REXO5: variants seen among roughly 807,000 people sequenced by gnomAD.
REXO5 encodes RNA exonuclease 5, also known as exonuclease NEF-sp.
A neutral mutation model predicts 88.5 loss-of-function variants in REXO5; 48 were observed. That is an observed-to-expected ratio of 0.54 (90% CI 0.43 to 0.69). The LOEUF is 0.69. REXO5 is among the 30% of genes least tolerant of loss of function. REXO5 has a pLI of 0.00. For synonymous variants in REXO5, 311 were observed against 336.5 expected (o/e 0.92, Z 0.83); for missense variants, 749 against 912.2 (o/e 0.82, Z 2.30).
intron 7 of REXO5, among the ~76,000 whole-genome samples, chr16:20,825,353 T>C (rs1450735397): frequency 6.6e-6 from 1 of 152,238 alleles, no homozygotes; most frequent in Non-Finnish European, 1.5e-5. Context: ...TGTCCTTGCC[T>C]GTTAGTGGCT....
chr16:20,848,396 T>C (rs2081643235), intron 19 of REXO5, among the ~76,000 whole-genome samples: 1 of 152,214 alleles, frequency 6.6e-6, no homozygotes, highest in Admixed American at 6.5e-5. Flanking sequence ...TGCTTCTATA[T>C]GCATTTTTGG....
rs553258890 is a variant in REXO5 at position 20,844,494 on chromosome 16, CAGAAA to C, written c.1720-124_1720-120del. On this transcript the variant is annotated intron_variant, in intron 16 of 19. Coordinates refer to ENST00000261377, the MANE Select transcript of REXO5 (RefSeq NM_030941.3). Reference sequence around the variant, plus strand: ...GGCCATTATCTTTAGTTTCCTTTTACAGAAAAGAAAAGAAACGGAAAATTTTAGGA... The same window carrying C: ...GGCCATTATCTTTAGTTTCCTTTTACAGAAAAGAAACGGAAAATTTTAGGA... The C allele has an allele frequency of 4.5e-3, 3,009 of 668,834 alleles. 27 individuals carry two copies. Among genetic ancestry groups the C allele is most frequent in the Non-Finnish European group, 4.9e-3 (1,947 of 396,138 alleles). The allele number at this position is 668,834 out of a possible 1,614,324, so 41.4% of individuals were successfully genotyped here.
intron 2 of REXO5, among the ~76,000 whole-genome samples, chr16:20,808,451 TTCA>T (rs2080944733): frequency 6.6e-6 from 1 of 151,580 alleles, no homozygotes; most frequent in Non-Finnish European, 1.5e-5. Flanking sequence ...CACCCAGCTA[TTCA>T]TTGGTTTTTA....
At chr16:20,821,706 T>G in intron 5 of REXO5, 56 bp from the exon 6 acceptor site, 1 of 1,484,268 alleles carries the variant, frequency 6.7e-7, no homozygotes, top group Non-Finnish European at 9.0e-7. Flanking sequence ...AGGAGACATT[T>G]CTTCTAGGGT....
intron 8 of REXO5, among the ~76,000 whole-genome samples, chr16:20,826,224 A>G (rs1434032016): frequency 6.6e-6 from 1 of 152,166 alleles, no homozygotes; most frequent in Non-Finnish European, 1.5e-5. Context: ...ATTATCTACA[A>G]CTGCCAAACA....
chr16:20,824,987 G>A lies in REXO5; in HGVS notation c.705+460G>A, dbSNP rs1040118625. Among the ~76,000 whole-genome samples, 5 of 151,758 alleles carry A rather than the reference G, an allele frequency of 3.3e-5. No individual in the cohort carries two copies. The South Asian group carries it at 8.3e-4, about 25-fold the overall frequency. ...TAGCGCCACTGCACTCCAGCCTGGC[G>A]ACAGAGTGAGACTCGATCTCAAAAA... On this transcript the variant is annotated intron_variant, in intron 7 of 19. Coordinates refer to ENST00000261377, the MANE Select transcript of REXO5 (RefSeq NM_030941.3).
chr16:20,824,780 C>T (rs1019780766), intron 7 of REXO5, among the ~76,000 whole-genome samples: 4 of 151,978 alleles, frequency 2.6e-5, no homozygotes, highest in African/African-American at 7.3e-5. Flanking sequence ...GAGGCTGAGG[C>T]GGGTGGATCA....
chr16:20,806,922 T>G (rs2080889388), intron 1 of REXO5, 30 bp from the exon 2 acceptor site: 3 of 1,558,106 alleles, frequency 1.9e-6, no homozygotes, highest in South Asian at 2.4e-5. Context: ...CGCTGGAGTT[T>G]CCCCAGCTCT....
intron 2 of REXO5, among the ~76,000 whole-genome samples, chr16:20,808,200 G>T (rs1228623312): frequency 6.6e-6 from 1 of 152,104 alleles, no homozygotes; most frequent in African/African-American, 2.4e-5. Context: ...ACACGAAACC[G>T]GTCCCTGGTG....
In REXO5 at chr16:20,814,983, AG is replaced by A; in HGVS notation, c.311del (p.Gly104GlufsTer2). ...AACAACGTAGTGGTTTTTGTTCTGC[AG>A]GGAATGAGTCAGCTACACTTTTACA... ...HLNNVVVFVL[Q>X]GMSQLHFYRF... is the part of the protein sequence containing the mutation. On this transcript the variant is annotated frameshift_variant, in exon 4 of 20. Transcript: ENST00000261377. LOFTEE classifies it high-confidence loss of function. 6.2e-7 allele frequency: 1 copy of A among 1,613,896 alleles called. No individual in the cohort carries two copies.
intron 11 of REXO5, among the ~76,000 whole-genome samples, chr16:20,830,804 C>T (rs2081329971): frequency 6.6e-6 from 1 of 152,012 alleles, no homozygotes; most frequent in African/African-American, 2.4e-5. Context: ...TCTTCCTGTA[C>T]CCTTTTGAAA....
rs985893583 is a variant in REXO5, at chr16:20,806,926, C to T, written c.-2-26C>T. On this transcript the variant is annotated intron_variant, in intron 1 of 19. Coordinates refer to ENST00000261377, the MANE Select transcript of REXO5 (RefSeq NM_030941.3). ...GGGAATAGGGGCGCTGGAGTTTCCC[C>T]AGCTCTACCTCATCTTTCTCCACAG... The T allele has an allele frequency of 5.8e-6, 9 of 1,561,996 alleles. No homozygotes were observed. The East Asian group carries it at 1.7e-4, about 29-fold the overall frequency.
chr16:20,816,221 A>G lies in REXO5; in HGVS notation c.475+9A>G, dbSNP rs1309009933. The G allele has an allele frequency of 1.0e-5, 16 of 1,601,194 alleles. No homozygotes were observed. The East Asian group carries it at 1.3e-4, about 13-fold the overall frequency. ...GCCCAAGACAATGGAAGGTATAGCTATGATGCTGGTTTGATGCTTTGCTCA... is the reference window on the plus strand; with the variant it reads ...GCCCAAGACAATGGAAGGTATAGCTGTGATGCTGGTTTGATGCTTTGCTCA... On this transcript the variant is annotated intron_variant, in intron 5 of 19. Transcript: ENST00000261377.
intron 6 of REXO5, among the ~76,000 whole-genome samples, chr16:20,822,244 A>G (rs1355789170): frequency 1.3e-5 from 2 of 152,130 alleles, no homozygotes; most frequent in Non-Finnish European, 2.9e-5. Context: ...ACATTTTAAC[A>G]CTTTTCCAGT....
chr16:20,814,269 C>G (rs1482029490), intron 3 of REXO5, among the ~76,000 whole-genome samples: 1 of 152,116 alleles, frequency 6.6e-6, no homozygotes, highest in Non-Finnish European at 1.5e-5. Flanking sequence ...TGGAGCCTCG[C>G]TCTGTCACCT....
At chr16:20,847,097 T>G (rs1029172320) in intron 19 of REXO5, among the ~76,000 whole-genome samples, 1 of 152,028 alleles carries the variant, frequency 6.6e-6, no homozygotes, top group Non-Finnish European at 1.5e-5. Context: ...GTTGTGTTAA[T>G]TTTTAAAAGT....
chr16:20,813,287 A>G lies in REXO5; in HGVS notation c.236A>G (p.Asn79Ser), dbSNP rs367590763. 18 of 1,609,998 alleles carry G rather than the reference A, an allele frequency of 1.1e-5. No individual in the cohort carries two copies. The highest frequency in any genetic ancestry group is 3.3e-5 in the South Asian group (3 of 91,010). ...LLKYAVLGKS[N>S]VPKPSWCQLF... ...AAGTATGCAGTTCTGGGCAAATCCA[A>G]TGTTCCAAAACCCAGGTATGAGATG... is the stretch of plus-strand genomic sequence containing the variant. The change falls in exon 3 of 20, where the codon AAT (asparagine) becomes AGT (serine). Residue 79 changes from asparagine to serine, a missense_variant. Physicochemically the swap from Asn to Ser is conservative, Grantham distance 46. Coordinates refer to ENST00000261377, the MANE Select transcript of REXO5 (RefSeq NM_030941.3).
intron 2 of REXO5, among the ~76,000 whole-genome samples, chr16:20,809,995 C>G (rs2080972023): frequency 6.6e-6 from 1 of 152,166 alleles, no homozygotes; most frequent in Non-Finnish European, 1.5e-5. Flanking sequence ...TTTAAATATC[C>G]AAGATTTTGT....
chr16:20,813,047 C>G (rs2081024389), intron 2 of REXO5, 143 bp from the exon 3 acceptor site: 2 of 653,608 alleles, frequency 3.1e-6, no homozygotes, highest in Non-Finnish European at 5.5e-6. Flanking sequence ...TATTTTAGGC[C>G]ATCATTTTCA....
Sources: allele counts gnomAD v4.1 joint callset (sites outside exome capture counted in the v4.1 genomes callset), GRCh38; gene constraint gnomAD v4.1.1; transcripts MANE v1.5; gene names NCBI Gene and HGNC (gene_info 2026-07-23, HGNC 2026-07-21).